Variants in CTSH observed in about 807,000 individuals in gnomAD.
CTSH encodes cathepsin H.
In CTSH, 52 loss-of-function variants were observed where a neutral mutation model predicts 56.3. That is an observed-to-expected ratio of 0.92 (90% confidence interval 0.74 to 1.16). The LOEUF (loss-of-function observed/expected upper bound fraction) is 1.16. CTSH is among the 50% of genes most tolerant of loss of function. The pLI is 0.00. For missense variants in CTSH, 406 were observed against 424.5 expected, an observed-to-expected ratio of 0.96 and a Z score of 0.38; for synonymous variants, 174 against 155.7, an observed-to-expected ratio of 1.12 and a Z score of -0.88.
intron 9 of CTSH, chr15:78,927,005 G>A (rs1421306984): frequency 6.6e-6 from 1 of 152,260 alleles, no homozygotes; most frequent in African/African-American, 2.4e-5. Flanking sequence ...CACAACCTAA[G>A]CGATATTCCT....
intron 1 of CTSH, among the ~76,000 whole-genome samples, chr15:78,942,722 G>A (rs2055321722): frequency 6.6e-6 from 1 of 152,134 alleles, no homozygotes; most frequent in Admixed American, 6.5e-5. Context: ...GCCTTCAGGG[G>A]CTCTCTCCCA....
At chr15:78,939,954 T>C (rs2055254477) in intron 1 of CTSH, among the ~76,000 whole-genome samples, 1 of 152,278 alleles carries the variant, frequency 6.6e-6, no homozygotes, top group Admixed American at 6.5e-5. Flanking sequence ...TGGGGACAGG[T>C]AGTAAATATT....
At chr15:78,936,890 A>G (rs111495139) in intron 3 of CTSH, 21,460 of 159,908 alleles carry the variant, frequency 0.13, 1,618 homozygotes, top group African/African-American at 0.2. Flanking sequence ...CGGCCTCCCA[A>G]AGTGCTGGAA....
intron 10 of CTSH, among the ~76,000 whole-genome samples, chr15:78,923,375 C>T (rs1181755604): frequency 6.6e-6 from 1 of 152,182 alleles, no homozygotes; most frequent in African/African-American, 2.4e-5. Flanking sequence ...CTGCAACCTT[C>T]ACCTCCAGGG....
chr15:78,924,463 T>C (rs1199808215), intron 10 of CTSH, among the ~76,000 whole-genome samples: 2 of 151,628 alleles, frequency 1.3e-5, no homozygotes, highest in Non-Finnish European at 2.9e-5. Flanking sequence ...AGCACAGACG[T>C]GAGTGACATT....
At chr15:78,937,468 G>T in intron 2 of CTSH, 45 bp from the exon 3 acceptor site, 1 of 1,539,458 alleles carries the variant, frequency 6.5e-7, no homozygotes, top group Non-Finnish European at 9.0e-7. Flanking sequence ...ACAGGCTGCA[G>T]CTCCCTAGAG....
chr15:78,933,890 C>T (rs1361958718), intron 5 of CTSH, among the ~76,000 whole-genome samples: 2 of 152,358 alleles, frequency 1.3e-5, no homozygotes, highest in South Asian at 4.1e-4. Context: ...CGTCAGGAAG[C>T]ACCTCATTCC....
chr15:78,941,565 G>A (rs1001659881), intron 1 of CTSH, among the ~76,000 whole-genome samples: 11 of 152,034 alleles, frequency 7.2e-5, no homozygotes, highest in African/African-American at 2.7e-4. Context: ...GGCTGAGACG[G>A]GCGGATCACG....
Position 78,934,993 on chromosome 15 carries a change from T to C in CTSH, c.390A>G (p.Ser130=), listed in dbSNP as rs754201172. The change falls in exon 5 of 12, where the codon TCA becomes TCG. Residue 130 remains serine, a synonymous_variant. Coordinates refer to ENST00000220166, the MANE Select transcript of CTSH (RefSeq NM_004390.5). ...VDWRKKGNFV[S]PVKNQGACGS... ...CCAGGCATACCTGATTTTTCACAGG[T>C]GAGACAAAATTTCCTTTTTTCCGCC... is the stretch of plus-strand genomic sequence containing the variant. The C allele has an allele frequency of 1.2e-6, 2 of 1,612,948 alleles. No homozygotes were observed. The highest frequency in any genetic ancestry group is 2.2e-5 in the South Asian group (2 of 91,048).
At chr15:78,928,591 AAGGG>A (rs2054973622) in intron 8 of CTSH, among the ~76,000 whole-genome samples, 1 of 103,546 alleles carries the variant, frequency 9.7e-6, no homozygotes, top group Non-Finnish European at 1.9e-5. Flanking sequence ...AAAAAAAAAG[AAGGG>A]AGAGTAAAAG....
chr15:78,923,915 T>G (rs1567345041), intron 10 of CTSH, among the ~76,000 whole-genome samples: 1 of 152,136 alleles, frequency 6.6e-6, no homozygotes, highest in Non-Finnish European at 1.5e-5. Context: ...GATGTGTAAG[T>G]GGGCCATAGG....
chr15:78,934,033 C>T (rs911687445), intron 5 of CTSH, among the ~76,000 whole-genome samples: 1 of 152,166 alleles, frequency 6.6e-6, no homozygotes, highest in African/African-American at 2.4e-5. Flanking sequence ...ACGTGTTGCT[C>T]TGAATTGTCA....
At chr15:78,924,216 C>T (rs985462023) in intron 10 of CTSH, among the ~76,000 whole-genome samples, 16 of 150,738 alleles carry the variant, frequency 1.1e-4, no homozygotes, top group South Asian at 8.4e-4. Flanking sequence ...GGTGGAACGG[C>T]GGGGACGGGT....
chr15:78,939,613 C>T (rs534501971), intron 1 of CTSH, among the ~76,000 whole-genome samples: 8 of 152,318 alleles, frequency 5.3e-5, no homozygotes, highest in East Asian at 3.9e-4. Flanking sequence ...TCCAGCTGGG[C>T]GCGGTGGCTC....
intron 7 of CTSH, among the ~76,000 whole-genome samples, chr15:78,930,320 G>A (rs1374825505): frequency 6.6e-6 from 1 of 152,214 alleles, no homozygotes; most frequent in Non-Finnish European, 1.5e-5. Flanking sequence ...GAGGTCAGGG[G>A]TTCGAGACTA....
At position 78,925,220 on chromosome 15, in the gene CTSH, AGGGTCTGACACACAG is replaced by A. The variant is rs1169470798; in HGVS notation, c.806+99_806+113del. 3 of 663,724 alleles carry A rather than the reference AGGGTCTGACACACAG, an allele frequency of 4.5e-6. No individual in the cohort carries two copies. In the East Asian group the frequency reaches 8.4e-5, roughly 18 times the overall value. The allele number at this position is 663,724 out of a possible 1,614,324, so 41.1% of individuals were successfully genotyped here. A position where few individuals can be genotyped will look rare whatever the true frequency, so the allele number is the denominator to read the frequency against. On this transcript the variant is annotated intron_variant, in intron 10 of 11. Transcript: ENST00000220166. ...GCCCAGCACCTGGCAGGTGTCATGAAGGGTCTGACACACAGGAGTCTGGGCCACGAGCCCAAGTCC... is the reference window on the plus strand; with the variant it reads ...GCCCAGCACCTGGCAGGTGTCATGAAGAGTCTGGGCCACGAGCCCAAGTCC...
Position 78,924,105 on chromosome 15 carries a change from G to C in CTSH, c.807-987C>G, listed in dbSNP as rs1390757901. Among the ~76,000 whole-genome samples the C allele has an allele frequency of 2.5e-3, 343 of 135,620 alleles. 32 individuals are homozygous for C. Among genetic ancestry groups the C allele is most frequent in the Non-Finnish European group, 4.8e-3 (292 of 60,512 alleles). 89.0% of individuals were successfully genotyped at this position (135,620 alleles called of 152,430 possible). A position where few individuals can be genotyped will look rare whatever the true frequency, so the allele number is the denominator to read the frequency against. The stretch of plus-strand genomic sequence containing the variant: ...GGGGGATCCAACCCAGCGGGGGGGG[G>C]GGGGAGGGTGGGCAGGGTGGGTCAG... On this transcript the variant is annotated intron_variant, in intron 10 of 11. Transcript: ENST00000220166.
chr15:78,944,991 G>T lies in CTSH; in HGVS notation c.-10C>A, dbSNP rs1438827114. The T allele has an allele frequency of 6.5e-6, 10 of 1,528,210 alleles. No homozygotes were observed. Among genetic ancestry groups the T allele is most frequent in the Admixed American group, 2.0e-5 (1 of 49,756 alleles). 94.7% of individuals were successfully genotyped at this position (1,528,210 alleles called of 1,614,324 possible). A position where few individuals can be genotyped will look rare whatever the true frequency, so the allele number is the denominator to read the frequency against. The stretch of plus-strand genomic sequence containing the variant: ...GCAGCGTGGCCCACATCGCAGCGCT[G>T]GCGGCTTGGCTCTTGCGCTCAGGGT... On this transcript the variant is annotated 5_prime_UTR_variant, in exon 1 of 12. Coordinates refer to ENST00000220166, the MANE Select transcript of CTSH (RefSeq NM_004390.5).
chr15:78,928,342 AG>A (rs2054961691), intron 8 of CTSH, among the ~76,000 whole-genome samples: 2 of 123,896 alleles, frequency 1.6e-5, no homozygotes, highest in Non-Finnish European at 3.6e-5. Flanking sequence ...CCGAGGCGGT[AG>A]ATCACGAGGC....
Sources: gnomAD v4.1 joint callset for allele counts (sites outside exome capture counted in the v4.1 genomes callset) on GRCh38, gnomAD v4.1.1 for gene constraint, MANE v1.5 for transcripts, NCBI Gene and HGNC (gene_info 2026-07-23, HGNC 2026-07-21) for gene names.